AP2A1: variants seen among roughly 807,000 people sequenced by gnomAD.
The protein encoded by AP2A1 is AP-2 complex subunit alpha-1.
A neutral mutation model predicts 107.3 loss-of-function variants in AP2A1; 21 were observed. The observed-to-expected ratio is 0.20, with a 90% CI of 0.14 to 0.28. The LOEUF (loss-of-function observed/expected upper bound fraction) is 0.28, where lower values mean the gene tolerates loss of function less well. Among genes scored for constraint, AP2A1 ranks in the 10% least tolerant of loss-of-function variants. The pLI is 1.00. For synonymous variants in AP2A1, 602 were observed against 564.8 expected (o/e 1.07, Z -0.93); for missense variants, 873 against 1,307.7 (o/e 0.67, Z 5.13).
chr19:49,772,746 C>T (rs573009627), intron 1 of AP2A1, among the ~76,000 whole-genome samples: 71 of 150,600 alleles, frequency 4.7e-4, no homozygotes, highest in African/African-American at 1.7e-3. Flanking sequence ...GTGATCCGCC[C>T]GTCTCGGCCT....
rs1381807032 is a variant in AP2A1 at position 49,802,939 on chromosome 19, A to G, written c.2115-10A>G. The G allele has an allele frequency of 5.6e-6, 9 of 1,611,954 alleles. No individual in the cohort carries two copies. Among genetic ancestry groups the G allele is most frequent in the Non-Finnish European group, 7.6e-6 (9 of 1,179,278 alleles). ...GTTCCTTCCCATCTCACTCTGCTCC[A>G]TGCCTCCAGCCCAGGTCCTGAGGAC... On this transcript the variant is annotated splice_polypyrimidine_tract_variant and intron_variant, in intron 15 of 22. Transcript: ENST00000354293.
intron 22 of AP2A1, 88 bp downstream of exon 22, chr19:49,806,341 TCACGTCCC>T: frequency 6.9e-7 from 1 of 1,446,594 alleles, no homozygotes. Flanking sequence ...GTTCTTTAAT[TCACGTCCC>T]CACTTTGACC....
rs906677291 is a variant in AP2A1, at chr19:49,777,497, T to C, written c.68-4260T>C. On this transcript the variant is annotated intron_variant, in intron 1 of 22. Transcript: ENST00000354293. The stretch of plus-strand genomic sequence containing the variant: ...AAATATACAAAAAATTAGCCAGGCA[T>C]GGTGGCGGGCGCCTGTAGCCCCAGC... 4.0e-5 allele frequency among the ~76,000 whole-genome samples: 6 copies of C among 150,728 alleles called. 1 individual carries two copies. The highest frequency in any genetic ancestry group is 3.3e-4 in the Admixed American group (5 of 15,088).
rs554537125 is a variant in AP2A1 at position 49,772,742 on chromosome 19, C to T, written c.67+5542C>T. On this transcript the variant is annotated intron_variant, in intron 1 of 22. Coordinates refer to ENST00000354293, the MANE Select transcript of AP2A1 (RefSeq NM_130787.3). ...GCCTCAATCTCCTGACCTCGTGATC[C>T]GCCCGTCTCGGCCTCCCAAAGTGCT... Among the ~76,000 whole-genome samples, 159 of 150,284 alleles carry T rather than the reference C, an allele frequency of 1.1e-3. 1 individual carries two copies. The highest frequency in any genetic ancestry group is 7.2e-3 in the Middle Eastern group (2 of 276).
chr19:49,805,435 T>C lies in AP2A1; in HGVS notation c.2345-18T>C. 6.6e-7 allele frequency: 1 copy of C among 1,525,368 alleles called. No homozygotes were observed. Among genetic ancestry groups the C allele is most frequent in the Non-Finnish European group, 8.9e-7 (1 of 1,129,862 alleles). 94.5% of individuals were successfully genotyped at this position (1,525,368 alleles called of 1,614,324 possible). ...GGCCCACCTCCTCTGTCTGGCTTCCTTGACTCCTGGCGGGCACAGCTGGCT... is the reference window on the plus strand; with the variant it reads ...GGCCCACCTCCTCTGTCTGGCTTCCCTGACTCCTGGCGGGCACAGCTGGCT... On this transcript the variant is annotated intron_variant, in intron 18 of 22. Coordinates refer to ENST00000354293, the MANE Select transcript of AP2A1 (RefSeq NM_130787.3).
At chr19:49,791,542 G>A (rs1488368441) in intron 4 of AP2A1, among the ~76,000 whole-genome samples, 1 of 152,180 alleles carries the variant, frequency 6.6e-6, no homozygotes, top group East Asian at 1.9e-4. Context: ...AGTATTTGAT[G>A]TATGTGTTTT....
Position 49,798,879 on chromosome 19 carries a change from A to G in AP2A1, c.892A>G (p.Lys298Glu). ...CAAGGCCCAGGAGCCCCCCAAATCCAAGAAGGTGCAGCATTCCAACGCCAA... is the reference window on the plus strand; with the variant it reads ...CAAGGCCCAGGAGCCCCCCAAATCCGAGAAGGTGCAGCATTCCAACGCCAA... ...LNKAQEPPKS[K>E]KVQHSNAKNA... The change falls in exon 8 of 23, where the codon AAG becomes GAG. Residue 298 changes from lysine to glutamate, a missense_variant. By Grantham distance (56) the Lys-to-Glu change is moderately conservative. Transcript: ENST00000354293. 6.3e-7 allele frequency: 1 copy of G among 1,586,388 alleles called. No individual in the cohort carries two copies. The highest frequency in any genetic ancestry group is 8.6e-7 in the Non-Finnish European group (1 of 1,166,476).
chr19:49,790,081 G>A (rs866652033), intron 4 of AP2A1, among the ~76,000 whole-genome samples: 2 of 152,166 alleles, frequency 1.3e-5, no homozygotes, highest in African/African-American at 2.4e-5. Context: ...GTCAAACACC[G>A]GTTCTGGATG....
chr19:49,807,085 T>C lies in AP2A1; in HGVS notation c.*327T>C, dbSNP rs993719788. Reference sequence around the variant, plus strand: ...TCCCCATCCAGGGGCTGTGTATTATTGTGAGCGAATAAACAGAGAGACGCT... The same window carrying C: ...TCCCCATCCAGGGGCTGTGTATTATCGTGAGCGAATAAACAGAGAGACGCT... On this transcript the variant is annotated 3_prime_UTR_variant, in exon 23 of 23. Coordinates refer to ENST00000354293, the MANE Select transcript of AP2A1 (RefSeq NM_130787.3). The C allele has an allele frequency of 1.2e-5, 19 of 1,605,714 alleles. No homozygotes were observed. The Admixed American group carries it at 2.0e-4, about 17-fold the overall frequency.
chr19:49,776,509 G>A (rs1195576247), intron 1 of AP2A1, among the ~76,000 whole-genome samples: 1 of 152,140 alleles, frequency 6.6e-6, no homozygotes, highest in Non-Finnish European at 1.5e-5. Context: ...GGGATGCCTC[G>A]AGAGCAGGGT....
rs572485906 is a variant in AP2A1, at chr19:49,775,402, C to T, written c.68-6355C>T. Among the ~76,000 whole-genome samples the T allele has an allele frequency of 3.4e-4, 52 of 152,254 alleles. No homozygotes were observed. In the East Asian group the frequency reaches 9.7e-3, roughly 28 times the overall value. On this transcript the variant is annotated intron_variant, in intron 1 of 22. Transcript: ENST00000354293. ...GGATCTCAGCTCACTGCAACCTCTA[C>T]CTCCCAGGTTCAAGCGATTCTCCTG...
At chr19:49,796,891 A>C (rs1240089240) in intron 7 of AP2A1, 1 of 152,266 alleles carries the variant, frequency 6.6e-6, no homozygotes, top group Non-Finnish European at 1.5e-5. Context: ...ACGTGTGTCC[A>C]TGCATGTCCC....
intron 20 of AP2A1, 34 bp downstream of exon 20, chr19:49,805,811 C>G: frequency 1.4e-6 from 2 of 1,473,948 alleles, no homozygotes; most frequent in African/African-American, 1.4e-5. Context: ...GCCAAAGCCG[C>G]GCCTCTGGGT....
intron 1 of AP2A1, among the ~76,000 whole-genome samples, chr19:49,767,882 G>T (rs918045903): frequency 1.3e-5 from 2 of 151,840 alleles, no homozygotes; most frequent in Non-Finnish European, 2.9e-5. Flanking sequence ...GTGTGGAGGG[G>T]GCTAGAGGGG....
intron 1 of AP2A1, among the ~76,000 whole-genome samples, chr19:49,772,250 T>TTTTTTTTC (rs1568572988): frequency 9.4e-6 from 1 of 106,778 alleles, no homozygotes; most frequent in Non-Finnish European, 2.0e-5. Context: ...CATAGAGTTT[T>TTTTTTTTC]TTTTTTTTTT....
At chr19:49,786,864 T>C (rs1206727828) in intron 4 of AP2A1, among the ~76,000 whole-genome samples, 2 of 151,706 alleles carry the variant, frequency 1.3e-5, no homozygotes, top group African/African-American at 4.9e-5. Context: ...GTCCCTGGAG[T>C]GGATGCCGAG....
At chr19:49,784,985 A>G (rs1190444347) in intron 4 of AP2A1, among the ~76,000 whole-genome samples, 2 of 152,252 alleles carry the variant, frequency 1.3e-5, no homozygotes, top group African/African-American at 2.4e-5. Context: ...GCCTGGCAGT[A>G]GAACTGAAGA....
intron 4 of AP2A1, among the ~76,000 whole-genome samples, chr19:49,789,427 A>G (rs1486018912): frequency 6.6e-6 from 1 of 151,946 alleles, no homozygotes; most frequent in East Asian, 1.9e-4. Context: ...AGTAGCTAGG[A>G]TTTCAGGCAC....
chr19:49,805,600 G>T, intron 19 of AP2A1, 24 bp downstream of exon 19: 1 of 1,560,506 alleles, frequency 6.4e-7, no homozygotes, highest in Non-Finnish European at 8.7e-7. Flanking sequence ...GGCGCGGCCG[G>T]TGGGCGGAGC....
Sources: allele counts gnomAD v4.1 joint callset (sites outside exome capture counted in the v4.1 genomes callset), GRCh38; gene constraint gnomAD v4.1.1; transcripts MANE v1.5; gene names NCBI Gene and HGNC (gene_info 2026-07-23, HGNC 2026-07-21).